Variants in ESR1 observed in about 807,000 individuals in gnomAD.
ESR1 encodes the protein estrogen receptor 1, also known as estrogen receptor.
In ESR1, 12 loss-of-function variants were observed where a neutral mutation model predicts 52.7. The ratio of observed to expected loss-of-function variants is 0.23; its 90% CI spans 0.15 to 0.37. The LOEUF (loss-of-function observed/expected upper bound fraction) is 0.37, where lower values mean the gene tolerates loss of function less well. Ranked by LOEUF, ESR1 falls within the 10% of genes least tolerant of loss-of-function variation. ESR1 has a pLI of 1.00. For synonymous variants in ESR1, 305 were observed against 316.8 expected (o/e 0.96, Z 0.39); for missense variants, 584 against 779.7 (o/e 0.75, Z 2.99).
chr6:152,022,998 A>G (rs9397466), intron 5 of ESR1, among the ~76,000 whole-genome samples: 3 of 151,948 alleles, frequency 2.0e-5, no homozygotes, highest in East Asian at 1.9e-4. Context: ...AAAAGAGAGA[A>G]AAAGAAAAAG....
At chr6:151,883,998 T>G (rs1422384008) in intron 3 of ESR1, among the ~76,000 whole-genome samples, 1 of 152,088 alleles carries the variant, frequency 6.6e-6, no homozygotes, top group Non-Finnish European at 1.5e-5. Context: ...GGGGTAAGAT[T>G]TCAACATATG....
At chr6:151,660,558 A>G (rs1777603516) in intron 1 of ESR1, among the ~76,000 whole-genome samples, 1 of 152,242 alleles carries the variant, frequency 6.6e-6, no homozygotes, top group Non-Finnish European at 1.5e-5. Context: ...CAGAACACAT[A>G]CAGTAGGAGT....
intron 1 of ESR1, among the ~76,000 whole-genome samples, chr6:151,674,057 G>T (rs1386449639): frequency 6.6e-6 from 1 of 151,920 alleles, no homozygotes; most frequent in Admixed American, 6.6e-5. Context: ...ATACATGTGG[G>T]GAATGTGCAG....
intron 1 of ESR1, among the ~76,000 whole-genome samples, chr6:151,675,472 TTCC>T (rs1389451293): frequency 1.3e-5 from 2 of 152,130 alleles, no homozygotes; most frequent in East Asian, 3.8e-4. Context: ...TCATCTCCTT[TTCC>T]TCCTCTTCCT....
At chr6:151,683,971 A>G (rs903496470) in intron 1 of ESR1, among the ~76,000 whole-genome samples, 4 of 151,584 alleles carry the variant, frequency 2.6e-5, no homozygotes, top group African/African-American at 7.3e-5. Flanking sequence ...CCCTGCCTCA[A>G]AAAGTGCTGG....
chr6:151,933,557 T>C (rs1485459902), intron 3 of ESR1, among the ~76,000 whole-genome samples: 5 of 151,796 alleles, frequency 3.3e-5, no homozygotes, highest in African/African-American at 9.7e-5. Flanking sequence ...ATGCTTCCAG[T>C]TTTTGCCCAT....
chr6:151,881,132 A>G lies in ESR1; in HGVS notation c.760+361A>G, dbSNP rs190944219. 1.1e-3 allele frequency among the ~76,000 whole-genome samples: 173 copies of G among 152,334 alleles called. 1 individual carries two copies. Among genetic ancestry groups the G allele is most frequent in the Non-Finnish European group, 1.9e-3 (132 of 68,038 alleles). On this transcript the variant is annotated intron_variant, in intron 3 of 7. Coordinates refer to ENST00000206249, the MANE Select transcript of ESR1 (RefSeq NM_000125.4). ...TTTATGTTGCAAATGCTAGAAAATG[A>G]TATCTGAGGATAAACTTTCCCTAAA...
At chr6:151,662,158 A>G (rs1172611992) in intron 1 of ESR1, among the ~76,000 whole-genome samples, 1 of 152,168 alleles carries the variant, frequency 6.6e-6, no homozygotes, top group African/African-American at 2.4e-5. Context: ...GACTCACCTT[A>G]GTGACTCTAT....
chr6:151,827,344 CAAAAAAAAAAAAAAAGAAAAAG>C (rs1396609344), intron 1 of ESR1, among the ~76,000 whole-genome samples: 2 of 75,870 alleles, frequency 2.6e-5, no homozygotes, highest in Non-Finnish European at 6.1e-5. Context: ...GACCCTGTCT[CAAAAAAAAAAAAAAAGAAAAAG>C]AAAAAAGAAA....
intron 6 of ESR1, among the ~76,000 whole-genome samples, chr6:152,123,906 A>G (rs2052366296): frequency 6.6e-6 from 1 of 152,238 alleles, no homozygotes; most frequent in South Asian, 2.1e-4. Context: ...CTGAAGACAG[A>G]CTACCCTAAT....
intron 1 of ESR1, among the ~76,000 whole-genome samples, chr6:151,666,696 CCCTCCTCCTCCTCCTCCT>C (rs56871778): frequency 5.2e-4 from 51 of 97,396 alleles, no homozygotes; most frequent in South Asian, 2.0e-3. Context: ...TTCCCCATCC[CCCTCCTCCTCCTCCTCCT>C]CCTCCTCCTC....
chr6:151,782,039 T>C (rs915883932), intron 2 of ESR1, among the ~76,000 whole-genome samples: 1 of 152,224 alleles, frequency 6.6e-6, no homozygotes, highest in African/African-American at 2.4e-5. Context: ...GAGAAATGTA[T>C]GTTCTAGACA....
chr6:152,062,416 A>T (rs893889568), intron 6 of ESR1, among the ~76,000 whole-genome samples: 12 of 152,186 alleles, frequency 7.9e-5, no homozygotes, highest in Admixed American at 2.6e-4. Context: ...TCACTTATCA[A>T]CTAATAAATG....
intron 4 of ESR1, among the ~76,000 whole-genome samples, chr6:151,987,518 C>T (rs982795765): frequency 3.9e-5 from 6 of 152,144 alleles, no homozygotes; most frequent in African/African-American, 1.2e-4. Context: ...GTCCATTTTA[C>T]GTGGCAGACT....
At chr6:151,881,839 C>T (rs993451888) in intron 3 of ESR1, among the ~76,000 whole-genome samples, 12 of 151,190 alleles carry the variant, frequency 7.9e-5, no homozygotes, top group African/African-American at 1.9e-4. Context: ...ACTGAGATGG[C>T]GCCACTGCAC....
chr6:151,720,153 A>G (rs1162504143), intron 2 of ESR1, among the ~76,000 whole-genome samples: 1 of 152,170 alleles, frequency 6.6e-6, no homozygotes, highest in Non-Finnish European at 1.5e-5. Flanking sequence ...AATATTCTAT[A>G]TCTACCATTT....
chr6:152,081,124 CCCAA>C (rs1367537882), intron 6 of ESR1, among the ~76,000 whole-genome samples: 1 of 152,144 alleles, frequency 6.6e-6, no homozygotes, highest in Non-Finnish European at 1.5e-5. Context: ...ACCAAGTGGA[CCCAA>C]TAGACATCTA....
At chr6:152,114,870 G>A (rs1172345747) in intron 6 of ESR1, among the ~76,000 whole-genome samples, 4 of 116,292 alleles carry the variant, frequency 3.4e-5, no homozygotes, top group African/African-American at 1.3e-4. Context: ...CAGCCTGGGT[G>A]ACAGAGCTAG....
intron 2 of ESR1, among the ~76,000 whole-genome samples, chr6:151,848,687 C>T (rs1039583469): frequency 6.6e-6 from 1 of 152,014 alleles, no homozygotes; most frequent in African/African-American, 2.4e-5. Context: ...ACTGTTTTAT[C>T]TTTTCAGAGA....
Sources: allele counts gnomAD v4.1 joint callset (sites outside exome capture counted in the v4.1 genomes callset), GRCh38; gene constraint gnomAD v4.1.1; transcripts MANE v1.5; gene names NCBI Gene and HGNC (gene_info 2026-07-23, HGNC 2026-07-21).